The following ARHGAP26 variants were observed in gnomAD, a reference collection of about 807,000 sequenced individuals.
ARHGAP26 encodes rho GTPase-activating protein 26.
Under a neutral mutation model 104.8 loss-of-function variants are expected in ARHGAP26, and 38 were observed. That is an observed-to-expected ratio of 0.36 (90% CI 0.28 to 0.48). ARHGAP26 has a LOEUF of 0.48. Among genes scored for constraint, ARHGAP26 ranks in the 20% least tolerant of loss-of-function variants. ARHGAP26 has a pLI of 0.99. For missense variants in ARHGAP26, 704 were observed against 947.9 expected (o/e 0.74, Z 3.38); for synonymous variants, 341 against 340.0 (o/e 1.00, Z -0.03).
chr5:142,858,061 C>CTGTGTGTGTGTGTGTGTGTGTG (rs746146391), intron 1 of ARHGAP26, among the ~76,000 whole-genome samples: 25 of 134,308 alleles, frequency 1.9e-4, no homozygotes, highest in Non-Finnish European at 3.2e-4. Flanking sequence ...GAGAGAGAAT[C>CTGTGTGTGTGTGTGTGTGTGTG]TGTGTGTGTG....
chr5:142,964,285 G>A (rs901059785), intron 11 of ARHGAP26, among the ~76,000 whole-genome samples: 2 of 152,088 alleles, frequency 1.3e-5, no homozygotes, highest in Middle Eastern at 3.4e-3. Flanking sequence ...TCCCTACCCC[G>A]CTTTCAGTTT....
At chr5:143,103,793 CA>C (rs1260926000) in intron 17 of ARHGAP26, among the ~76,000 whole-genome samples, 3 of 152,030 alleles carry the variant, frequency 2.0e-5, no homozygotes, top group Non-Finnish European at 4.4e-5. Flanking sequence ...CGGGACCTAA[CA>C]GGGGGTAGGG....
chr5:143,017,721 C>T (rs1779782447), intron 12 of ARHGAP26, among the ~76,000 whole-genome samples: 1 of 152,178 alleles, frequency 6.6e-6, no homozygotes, highest in South Asian at 2.1e-4. Context: ...CTTCTGATTA[C>T]TGCATAATTT....
Position 142,893,858 on chromosome 5 carries a change from A to G in ARHGAP26, c.487-380A>G, listed in dbSNP as rs114573137. 4.7e-3 allele frequency among the ~76,000 whole-genome samples: 711 copies of G among 150,930 alleles called. 12 individuals are homozygous for G. The highest frequency in any genetic ancestry group is 0.016 in the African/African-American group (660 of 41,214). ...TTAGTGATGTTGAACGTTTTTTAAT[A>G]TACCCTTTGGCTATTTGTGTGTCTT... On this transcript the variant is annotated intron_variant, in intron 5 of 22. Coordinates refer to ENST00000645722, the MANE Select transcript of ARHGAP26 (RefSeq NM_001135608.3).
At chr5:142,901,868 G>C in intron 6 of ARHGAP26, 67 bp from the exon 7 acceptor site, 2 of 1,319,106 alleles carry the variant, frequency 1.5e-6, no homozygotes, top group Admixed American at 3.6e-5. Flanking sequence ...TGGGAGCTCA[G>C]ATACAGCTAC....
chr5:143,014,252 A>T lies in ARHGAP26; in HGVS notation c.1144+136A>T, dbSNP rs1431125405. 3 of 911,992 alleles carry T rather than the reference A, an allele frequency of 3.3e-6. No individual in the cohort carries two copies. In the African/African-American group the frequency reaches 5.0e-5, roughly 15 times the overall value. 56.5% of individuals were successfully genotyped at this position (911,992 alleles called of 1,614,324 possible). The stretch of plus-strand genomic sequence containing the variant: ...CTCCAGTTCCCGAGTGCAGTGGGAC[A>T]TGCCTCCACCCCAACTTTCCGCCAG... On this transcript the variant is annotated intron_variant, in intron 12 of 22. Transcript: ENST00000645722.
chr5:142,859,153 G>T (rs949973418), intron 1 of ARHGAP26, among the ~76,000 whole-genome samples: 3 of 152,196 alleles, frequency 2.0e-5, no homozygotes, highest in Non-Finnish European at 4.4e-5. Flanking sequence ...TGAATAGGTT[G>T]TTCTGGGCAG....
chr5:143,179,038 T>C (rs1803916846), intron 20 of ARHGAP26, among the ~76,000 whole-genome samples: 1 of 152,024 alleles, frequency 6.6e-6, no homozygotes, highest in Admixed American at 6.6e-5. Context: ...CCTGGCTAAT[T>C]TTTATATTTT....
chr5:143,147,562 G>A, intron 20 of ARHGAP26, 181 bp downstream of exon 20: 1 of 638,710 alleles, frequency 1.6e-6, no homozygotes. Context: ...CATCTCAGAG[G>A]GAGTCGTTAT....
intron 18 of ARHGAP26, among the ~76,000 whole-genome samples, chr5:143,127,943 C>G (rs141255779): frequency 6.6e-6 from 1 of 152,242 alleles, no homozygotes; most frequent in African/African-American, 2.4e-5. Flanking sequence ...TAATCTTGTC[C>G]TGTGGTCATG....
At chr5:143,188,566 G>T (rs2151235279) in intron 20 of ARHGAP26, among the ~76,000 whole-genome samples, 1 of 152,252 alleles carries the variant, frequency 6.6e-6, no homozygotes, top group Admixed American at 6.5e-5. Flanking sequence ...TCATGATAAG[G>T]CTGGGTGACA....
chr5:142,947,804 G>C (rs1404578888), intron 11 of ARHGAP26, among the ~76,000 whole-genome samples: 1 of 152,134 alleles, frequency 6.6e-6, no homozygotes, highest in African/African-American at 2.4e-5. Flanking sequence ...CCAGAACCTA[G>C]AACAGCCCCT....
At chr5:142,875,204 T>C in intron 3 of ARHGAP26, 33 bp downstream of exon 3, 1 of 1,606,146 alleles carries the variant, frequency 6.2e-7, no homozygotes, top group Non-Finnish European at 8.5e-7. Flanking sequence ...TGGTCCCAGA[T>C]AGTATATTCG....
intron 17 of ARHGAP26, among the ~76,000 whole-genome samples, chr5:143,072,671 T>G (rs182931082): frequency 1.3e-5 from 2 of 152,204 alleles, no homozygotes; most frequent in East Asian, 1.9e-4. Flanking sequence ...ATATTCTCAC[T>G]CATGTGGAAA....
chr5:142,794,117 A>T (rs1006588135), intron 1 of ARHGAP26, among the ~76,000 whole-genome samples: 11 of 151,480 alleles, frequency 7.3e-5, no homozygotes, highest in African/African-American at 2.7e-4. Context: ...TCTCAACTCC[A>T]CTCTTCTCTA....
intron 20 of ARHGAP26, among the ~76,000 whole-genome samples, chr5:143,199,958 T>C (rs958734799): frequency 2.0e-5 from 3 of 152,186 alleles, no homozygotes; most frequent in East Asian, 1.9e-4. Context: ...CATCTCCAGG[T>C]TGTGGATATC....
intron 1 of ARHGAP26, among the ~76,000 whole-genome samples, chr5:142,850,459 A>C (rs556250683): frequency 2.0e-4 from 31 of 152,332 alleles, no homozygotes; most frequent in African/African-American, 7.5e-4. Flanking sequence ...CAAAACACAC[A>C]AAAAAACAAC....
At position 142,871,672 on chromosome 5, in the gene ARHGAP26, T is replaced by A. The variant is rs1163601035; in HGVS notation, c.155-1728T>A. Among the ~76,000 whole-genome samples the A allele has an allele frequency of 6.6e-6, 1 of 152,226 alleles. No individual in the cohort carries two copies. Among genetic ancestry groups the A allele is most frequent in the East Asian group, 1.9e-4 (1 of 5,200 alleles). ...TACCTGTAGCCTCCTCCTGCCTTCC[T>A]GCCCACGGTGTTCTGGCTTTTGGGT... On this transcript the variant is annotated intron_variant, in intron 1 of 22. Coordinates refer to ENST00000645722, the MANE Select transcript of ARHGAP26 (RefSeq NM_001135608.3). This position sits in a 1 kb window ranked among gnomAD's most constrained non-coding sequence, Gnocchi z 4.1.
intron 7 of ARHGAP26, 129 bp from the exon 8 acceptor site, chr5:142,903,410 AT>A (rs1760659307): frequency 1.1e-6 from 1 of 940,182 alleles, no homozygotes; most frequent in Admixed American, 2.7e-5. Flanking sequence ...ATAAGGGAGT[AT>A]TTGGCCAGTT....
Sources: gnomAD v4.1 joint callset for allele counts (sites outside exome capture counted in the v4.1 genomes callset) on GRCh38, gnomAD v4.1.1 for gene constraint, Gnocchi (gnomAD v3.1) non-coding constraint, MANE v1.5 for transcripts, NCBI Gene and HGNC (gene_info 2026-07-23, HGNC 2026-07-21) for gene names.